The following FCRL6 variants were observed in gnomAD, a reference collection of about 807,000 sequenced individuals.
FCRL6 encodes the protein Fc receptor like 6, also known as Fc receptor-like protein 6.
In FCRL6, 50 loss-of-function variants were observed where a neutral mutation model predicts 49.1. The ratio of observed to expected loss-of-function variants is 1.02; its 90% CI spans 0.81 to 1.29. FCRL6 has a LOEUF of 1.29. Ranked by LOEUF, FCRL6 falls within the 50% of genes most tolerant of loss-of-function variation. FCRL6 has a pLI of 0.00. For missense variants in FCRL6, 571 were observed against 518.5 expected, an observed-to-expected ratio of 1.10 and a Z score of -0.98; for synonymous variants, 213 against 199.6, an observed-to-expected ratio of 1.07 and a Z score of -0.57.
intron 1 of FCRL6, 29 bp downstream of exon 1, chr1:159,802,484 T>C (rs772544156): frequency 4.7e-5 from 76 of 1,602,088 alleles, no homozygotes; most frequent in Non-Finnish European, 6.2e-5. Flanking sequence ...GCATCCCCTC[T>C]TGGAGCACTA....
At position 159,813,516 on chromosome 1, in the gene FCRL6, C is replaced by T. The variant is rs138976840; in HGVS notation, c.1037C>T (p.Thr346Ile). ...AGPLPSQIPP[T>I]APGGEQCPLY... Reference sequence around the variant, plus strand: ...CCCCTTCCATCCCAGATACCACCCACAGCTCCAGGTGGAGAGCAGTGCCCA... The same window carrying T: ...CCCCTTCCATCCCAGATACCACCCATAGCTCCAGGTGGAGAGCAGTGCCCA... Residue 346 changes from threonine (T) to isoleucine (I), a missense_variant, in exon 7 of 10, where the codon ACA (threonine) becomes ATA (isoleucine). Physicochemically the swap from Thr to Ile is moderately conservative, Grantham distance 89. Coordinates refer to ENST00000368106, the MANE Select transcript of FCRL6 (RefSeq NM_001004310.3). The T allele has an allele frequency of 6.2e-7, 1 of 1,614,030 alleles. No homozygotes were observed. Among genetic ancestry groups the T allele is most frequent in the Non-Finnish European group, 8.5e-7 (1 of 1,179,972 alleles).
At chr1:159,802,523 A>G in intron 1 of FCRL6, 68 bp downstream of exon 1, 5 of 1,409,656 alleles carry the variant, frequency 3.5e-6, no homozygotes, top group Non-Finnish European at 5.0e-6. Flanking sequence ...TGAGACACCA[A>G]GTTCCTCATC....
In FCRL6 at chr1:159,813,483, T is replaced by G; in HGVS notation, c.1010-6T>G. On this transcript the variant is annotated splice_region_variant and splice_polypyrimidine_tract_variant and intron_variant, in intron 6 of 9. Coordinates refer to ENST00000368106, the MANE Select transcript of FCRL6 (RefSeq NM_001004310.3). Reference sequence around the variant, plus strand: ...ACCCAGTGAATCATGCCCTTGTATCTCCTAGGGCCCCTTCCATCCCAGATA... The same window carrying G: ...ACCCAGTGAATCATGCCCTTGTATCGCCTAGGGCCCCTTCCATCCCAGATA... The G allele has an allele frequency of 6.2e-7, 1 of 1,613,516 alleles. No homozygotes were observed. The highest frequency in any genetic ancestry group is 8.5e-7 in the Non-Finnish European group (1 of 1,179,520).
chr1:159,810,723 G>A (rs1663043312), intron 6 of FCRL6, among the ~76,000 whole-genome samples: 1 of 152,210 alleles, frequency 6.6e-6, no homozygotes, highest in East Asian at 1.9e-4. Flanking sequence ...CTGTAGCAGA[G>A]TGTGCAAAGG....
At chr1:159,814,839 A>G (rs907325222) in intron 8 of FCRL6, among the ~76,000 whole-genome samples, 1 of 152,192 alleles carries the variant, frequency 6.6e-6, no homozygotes, top group African/African-American at 2.4e-5. Context: ...CATCATGAGA[A>G]GAATGTGGGT....
intron 4 of FCRL6, 70 bp from the exon 5 acceptor site, chr1:159,809,332 G>T (rs1662932359): frequency 3.9e-6 from 6 of 1,530,874 alleles, no homozygotes; most frequent in Non-Finnish European, 5.3e-6. Context: ...TGGGGGAAGG[G>T]TCCCCAGGAG....
At chr1:159,802,111 T>C (rs920143185), upstream of FCRL6, among the ~76,000 whole-genome samples, 3 of 152,132 alleles carry the variant, frequency 2.0e-5, no homozygotes, top group African/African-American at 7.2e-5. Flanking sequence ...CCCATAACCA[T>C]GTTCCATCCT....
In FCRL6 at chr1:159,813,528, G is replaced by A. The variant is rs1431858939; in HGVS notation, c.1049G>A (p.Gly350Glu). Residue 350 changes from glycine (G) to glutamate (E), a missense_variant, in exon 7 of 10, where the codon GGA becomes GAA. Transcript: ENST00000368106. ...PSQIPPTAPG[G>E]EQCPLYANVH... ...CAGATACCACCCACAGCTCCAGGTG[G>A]AGAGCAGTGCCCACTATATGCCAAC... 1.9e-6 allele frequency: 3 copies of A among 1,614,022 alleles called. No individual in the cohort carries two copies. Among genetic ancestry groups the A allele is most frequent in the African/African-American group, 2.7e-5 (2 of 74,938 alleles).
At chr1:159,813,398 C>T in intron 6 of FCRL6, 91 bp from the exon 7 acceptor site, 1 of 1,151,610 alleles carries the variant, frequency 8.7e-7, no homozygotes, top group Admixed American at 1.7e-5. Flanking sequence ...CTCCAGCGGC[C>T]TCCTTGTCAT....
chr1:159,810,179 T>C lies in FCRL6; in HGVS notation c.972T>C (p.Ala324=), dbSNP rs371419518. 3.7e-6 allele frequency: 6 copies of C among 1,613,770 alleles called. No homozygotes were observed. The African/African-American group carries it at 8.0e-5, about 22-fold the overall frequency. Residue 324 remains alanine (A), a synonymous_variant, in exon 6 of 10, where the codon GCT becomes GCC. Coordinates refer to ENST00000368106, the MANE Select transcript of FCRL6 (RefSeq NM_001004310.3). ...TGCTTGGCCTGATGGTTATTGCTGCTGCACTTCTGGTTTATGTGAGATCCT... is the reference window on the plus strand; with the variant it reads ...TGCTTGGCCTGATGGTTATTGCTGCCGCACTTCTGGTTTATGTGAGATCCT... ...ASLLGLMVIA[A]ALLVYVRSWR...
chr1:159,813,638 G>A, intron 7 of FCRL6, 84 bp downstream of exon 7: 2 of 1,189,794 alleles, frequency 1.7e-6, no homozygotes, highest in East Asian at 2.4e-5. Context: ...GCTCTCCAGA[G>A]CCCTGTATCT....
upstream of FCRL6, chr1:159,800,654 C>T (rs1286014056): frequency 2.0e-6 from 3 of 1,523,308 alleles, no homozygotes; most frequent in Non-Finnish European, 1.8e-6. Context: ...TACTTCCTCA[C>T]TACTTTTCCC....
chr1:159,809,197 G>A lies in FCRL6; in HGVS notation c.556G>A (p.Gly186Ser), dbSNP rs1259394871. ...GLYWCEVAPE[G>S]GQVQKQSPQL... ...TTACTGGTGTGAGGTGGCCCCTGAG[G>A]GTGGCCAGGTCCAGAAGCAGAGCCC... The change falls in exon 4 of 10, where the codon GGT becomes AGT. Residue 186 changes from glycine to serine, a missense_variant. By Grantham distance (56) the Gly-to-Ser change is moderately conservative (BLOSUM62 0). Coordinates refer to ENST00000368106, the MANE Select transcript of FCRL6 (RefSeq NM_001004310.3). 4 of 1,597,178 alleles carry A rather than the reference G, an allele frequency of 2.5e-6. No homozygotes were observed. The highest frequency in any genetic ancestry group is 2.7e-5 in the African/African-American group (2 of 74,220).
intron 6 of FCRL6, among the ~76,000 whole-genome samples, chr1:159,812,037 A>C (rs1273488118): frequency 6.6e-6 from 1 of 152,216 alleles, no homozygotes; most frequent in Middle Eastern, 3.2e-3. Context: ...GATACCTTTC[A>C]CAGGGAACAA....
Position 159,802,452 on chromosome 1 carries a change from T to C in FCRL6, c.28T>C (p.Phe10Leu). Reference protein sequence around the residue: MLLWTAVLLFVPCVGKTVWL... With the variant: MLLWTAVLLLVPCVGKTVWL... ...GCTGCTCTGGACGGCTGTGCTGCTC[T>C]TTGGTAAGTCAACGAGCATGGGCAT... The change falls in exon 1 of 10, where the codon TTT (phenylalanine) becomes CTT (leucine). Residue 10 changes from phenylalanine to leucine, a missense_variant. Phe to Leu is a conservative substitution (Grantham distance 22). Transcript: ENST00000368106. The C allele has an allele frequency of 6.2e-7, 1 of 1,613,470 alleles. No homozygotes were observed. Among genetic ancestry groups the C allele is most frequent in the Non-Finnish European group, 8.5e-7 (1 of 1,179,570 alleles).
intron 2 of FCRL6, 149 bp from the exon 3 acceptor site, chr1:159,808,029 C>T (rs111871144): frequency 2.2e-5 from 17 of 775,710 alleles, no homozygotes; most frequent in Middle Eastern, 3.8e-4. Context: ...CTTCTCTGGT[C>T]GGCATGAAGG....
intron 8 of FCRL6, among the ~76,000 whole-genome samples, chr1:159,814,785 A>T (rs763434003): frequency 7.9e-5 from 12 of 152,190 alleles, no homozygotes; most frequent in Non-Finnish European, 1.3e-4. Context: ...GTTGGCAGAG[A>T]TGGGGGAAAG....
At position 159,802,434 on chromosome 1, in the gene FCRL6, T is replaced by C; in HGVS notation, c.10T>C (p.Trp4Arg). 6.2e-7 allele frequency: 1 copy of C among 1,614,020 alleles called. No homozygotes were observed. Among genetic ancestry groups the C allele is most frequent in the African/African-American group, 1.3e-5 (1 of 75,068 alleles). ...TGCCAGAACAGGCCCCATGCTGCTC[T>C]GGACGGCTGTGCTGCTCTTTGGTAA... MLLWTAVLLFVPCV... is the reference protein window; with the variant it reads MLLRTAVLLFVPCV... Residue 4 changes from tryptophan to arginine, a missense_variant, in exon 1 of 10, where the codon TGG becomes CGG. Physicochemically the swap from Trp to Arg is moderately radical, Grantham distance 101. Coordinates refer to ENST00000368106, the MANE Select transcript of FCRL6 (RefSeq NM_001004310.3).
chr1:159,813,086 T>C (rs1663179281), intron 6 of FCRL6, among the ~76,000 whole-genome samples: 1 of 152,220 alleles, frequency 6.6e-6, no homozygotes, highest in Non-Finnish European at 1.5e-5. Context: ...AATCCAACTA[T>C]GTGCTGGTCA....
Sources: allele counts gnomAD v4.1 joint callset (sites outside exome capture counted in the v4.1 genomes callset), GRCh38; gene constraint gnomAD v4.1.1; transcripts MANE v1.5; gene names NCBI Gene and HGNC (gene_info 2026-07-23, HGNC 2026-07-21).